Variants in MMP24 observed in about 807,000 individuals in gnomAD.
MMP24 encodes the protein matrix metallopeptidase 24.
In MMP24, 25 loss-of-function variants were observed where a neutral mutation model predicts 62.8. That is an observed-to-expected ratio of 0.40 (90% confidence interval 0.29 to 0.56). The LOEUF (loss-of-function observed/expected upper bound fraction) is 0.56. Ranked by LOEUF, MMP24 falls within the 20% of genes least tolerant of loss-of-function variation. The pLI is 0.50. For synonymous variants in MMP24, 319 were observed against 350.5 expected (o/e 0.91, Z 1.00); for missense variants, 634 against 853.6 (o/e 0.74, Z 3.21).
chr20:35,259,956 T>C (rs2060593987), intron 4 of MMP24, among the ~76,000 whole-genome samples: 1 of 152,174 alleles, frequency 6.6e-6, no homozygotes, highest in Non-Finnish European at 1.5e-5. Flanking sequence ...CATTGTTCCT[T>C]CTATCTTCCA....
At chr20:35,272,225 T>G in intron 8 of MMP24, 1 of 422,688 alleles carries the variant, frequency 2.4e-6, no homozygotes, top group Admixed American at 3.9e-5. Flanking sequence ...AAAGAAAACC[T>G]TCAAAAAAAA....
rs1304269250 is a variant in MMP24, at chr20:35,276,735, A to T, written c.*2126A>T. 6.5e-6 allele frequency: 1 copy of T among 154,766 alleles called. No individual in the cohort carries two copies. The highest frequency in any genetic ancestry group is 1.4e-5 in the Non-Finnish European group (1 of 69,528). 9.6% of individuals were successfully genotyped at this position (154,766 alleles called of 1,614,324 possible). A position where few individuals can be genotyped will look rare whatever the true frequency, so the allele number is the denominator to read the frequency against. ...AACAGGAGATGGAGGCAGGCAGCCC[A>T]GGCTGCAGAGGTGAGGGATGTGGGG... is the stretch of plus-strand genomic sequence containing the variant. On this transcript the variant is annotated 3_prime_UTR_variant, in exon 9 of 9. Coordinates refer to ENST00000246186, the MANE Select transcript of MMP24 (RefSeq NM_006690.4).
intron 1 of MMP24, among the ~76,000 whole-genome samples, chr20:35,242,006 A>G (rs951780651): frequency 2.6e-5 from 4 of 152,210 alleles, no homozygotes; most frequent in African/African-American, 9.6e-5. Context: ...GGTTTGTACC[A>G]CACCTCTTTT....
chr20:35,262,000 C>T (rs1293368554), intron 4 of MMP24, among the ~76,000 whole-genome samples: 2 of 151,972 alleles, frequency 1.3e-5, no homozygotes, highest in Admixed American at 6.6e-5. Context: ...TGGGGTTTCA[C>T]CATGTTGGCC....
chr20:35,265,900 C>G (rs2060631334), intron 5 of MMP24, among the ~76,000 whole-genome samples: 2 of 152,014 alleles, frequency 1.3e-5, no homozygotes, highest in Admixed American at 6.5e-5. Context: ...TACTGGACAG[C>G]TCTGATGCAG....
At chr20:35,227,089 C>T in intron 1 of MMP24, 105 bp downstream of exon 1, 2 of 911,938 alleles carry the variant, frequency 2.2e-6, no homozygotes, top group Non-Finnish European at 2.6e-6. Context: ...CTGCCGAGGT[C>T]GCGGAGGCGG....
At chr20:35,266,823 T>C (rs763174860) in intron 5 of MMP24, among the ~76,000 whole-genome samples, 3 of 151,904 alleles carry the variant, frequency 2.0e-5, no homozygotes, top group Non-Finnish European at 2.9e-5. Context: ...GGCAGAGCAG[T>C]TGGAGTGGGT....
intron 4 of MMP24, chr20:35,256,244 A>G (rs937905206): frequency 2.0e-5 from 3 of 152,218 alleles, no homozygotes; most frequent in Admixed American, 2.0e-4. Context: ...ACAGATAGGT[A>G]AACTGAGATA....
chr20:35,249,869 A>G (rs906192996), intron 2 of MMP24, among the ~76,000 whole-genome samples: 14 of 152,186 alleles, frequency 9.2e-5, no homozygotes, highest in Non-Finnish European at 1.8e-4. Flanking sequence ...CTGGGATTAC[A>G]GGTGTGAGCC....
rs146949558 is a variant in MMP24 at position 35,231,275 on chromosome 20, G to C, written c.246+4291G>C. Reference sequence around the variant, plus strand: ...GATTCCTGCCCTTGAGACTGGTTTTGAGTGGTTTGTGCTGAGGAGATGGAG... The same window carrying C: ...GATTCCTGCCCTTGAGACTGGTTTTCAGTGGTTTGTGCTGAGGAGATGGAG... On this transcript the variant is annotated intron_variant, in intron 1 of 8. Transcript: ENST00000246186. Among the ~76,000 whole-genome samples, 40 of 152,334 alleles carry C rather than the reference G, an allele frequency of 2.6e-4. No individual in the cohort carries two copies. The East Asian group carries it at 7.3e-3, about 28-fold the overall frequency.
At position 35,251,922 on chromosome 20, in the gene MMP24, G is replaced by A. The variant is rs371591987; in HGVS notation, c.413G>A (p.Arg138Gln). 4.5e-5 allele frequency: 73 copies of A among 1,613,786 alleles called. No individual in the cohort carries two copies. The highest frequency in any genetic ancestry group is 5.8e-5 in the Non-Finnish European group (68 of 1,179,848). Reference protein sequence around the residue: ...QTTIEWMKKPRCGVPDHPHLS... With the variant: ...QTTIEWMKKPQCGVPDHPHLS... Reference sequence around the variant, plus strand: ...CTGCCCAGGTGGATGAAGAAACCCCGATGTGGTGTCCCTGATCACCCCCAC... The same window carrying A: ...CTGCCCAGGTGGATGAAGAAACCCCAATGTGGTGTCCCTGATCACCCCCAC... The change falls in exon 3 of 9, where the codon CGA becomes CAA. Residue 138 changes from arginine to glutamine, a missense_variant. By Grantham distance (43) the Arg-to-Gln change is conservative (BLOSUM62 1). Coordinates refer to ENST00000246186, the MANE Select transcript of MMP24 (RefSeq NM_006690.4).
chr20:35,226,957 C>G lies in MMP24; in HGVS notation c.219C>G (p.Asp73Glu). ...TGGCGGTGGCGGTGGCGCGGGCGGA[C>G]GAGGCGGAGGCGCCCTTCGCCGGGC... ...AAVAVAVARA[D>E]EAEAPFAGQN... The change falls in exon 1 of 9, where the codon GAC becomes GAG. Residue 73 changes from aspartate (D) to glutamate (E), a missense_variant. By Grantham distance (45) the Asp-to-Glu change is conservative. Around this residue, in one of 3 missense-constraint regions of MMP24, gnomAD observed 212 missense variants for 259.6 expected, o/e 0.82. Transcript: ENST00000246186. 2.0e-6 allele frequency: 2 copies of G among 978,922 alleles called. No homozygotes were observed. Among genetic ancestry groups the G allele is most frequent in the Non-Finnish European group, 2.4e-6 (2 of 827,402 alleles). 60.6% of individuals were successfully genotyped at this position (978,922 alleles called of 1,614,324 possible).
chr20:35,239,958 T>G (rs1401461383), intron 1 of MMP24, among the ~76,000 whole-genome samples: 3 of 152,130 alleles, frequency 2.0e-5, no homozygotes, highest in Admixed American at 1.3e-4. Flanking sequence ...GAGCTCACTA[T>G]TGTCTGAGAT....
chr20:35,276,037 C>CA lies in MMP24; in HGVS notation c.*1433dup. On this transcript the variant is annotated 3_prime_UTR_variant, in exon 9 of 9. Coordinates refer to ENST00000246186, the MANE Select transcript of MMP24 (RefSeq NM_006690.4). Reference sequence around the variant, plus strand: ...ATGCCCACTGGCTCTCTGCCAAAGCCAAAAAGGTGTCAGGCAGTCTCCAGC... The same window carrying CA: ...ATGCCCACTGGCTCTCTGCCAAAGCCAAAAAAGGTGTCAGGCAGTCTCCAGC... The CA allele has an allele frequency of 5.0e-6, 2 of 398,674 alleles. No homozygotes were observed. The highest frequency in any genetic ancestry group is 8.8e-6 in the Non-Finnish European group (2 of 226,136). 24.7% of individuals were successfully genotyped at this position (398,674 alleles called of 1,614,324 possible). A position where few individuals can be genotyped will look rare whatever the true frequency, so the allele number is the denominator to read the frequency against.
chr20:35,234,545 G>A (rs2060453452), intron 1 of MMP24, among the ~76,000 whole-genome samples: 1 of 152,190 alleles, frequency 6.6e-6, no homozygotes, highest in Non-Finnish European at 1.5e-5. Context: ...CTGATGAAGT[G>A]GCATTCAAGT....
chr20:35,271,000 A>G (rs1404919844), intron 7 of MMP24, among the ~76,000 whole-genome samples: 8 of 152,184 alleles, frequency 5.3e-5, no homozygotes, highest in Admixed American at 5.2e-4. Flanking sequence ...AGATCACACC[A>G]TTGCACTCCA....
rs1430369257 is a variant in MMP24 at position 35,269,395 on chromosome 20, C to A, written c.1195-365C>A. ...AGGGCGCTCGGCCCAGGCTCAGTGA[C>A]CACCCCAGCCTCCCACTGTCCCGAG... On this transcript the variant is annotated intron_variant, in intron 6 of 8. Transcript: ENST00000246186. The surrounding 1 kb of genome is among the most constrained non-coding windows in gnomAD (Gnocchi z 4.6). Among the ~76,000 whole-genome samples the A allele has an allele frequency of 2.6e-5, 4 of 152,198 alleles. No individual in the cohort carries two copies. The highest frequency in any genetic ancestry group is 5.9e-5 in the Non-Finnish European group (4 of 68,034).
In MMP24 at chr20:35,271,873, G is replaced by C. The variant is rs779141151; in HGVS notation, c.1600+38G>C. 4.4e-6 allele frequency: 7 copies of C among 1,574,372 alleles called. No homozygotes were observed. Among genetic ancestry groups the C allele is most frequent in the Non-Finnish European group, 6.0e-6 (7 of 1,163,554 alleles). The stretch of plus-strand genomic sequence containing the variant: ...CGGGCCAGGGTGGGCATGGGGAGCC[G>C]GTTTTATGTGGTCCTCACCAGTGCC... On this transcript the variant is annotated intron_variant, in intron 8 of 8. Transcript: ENST00000246186. The surrounding 1 kb of genome is among the most constrained non-coding windows in gnomAD (Gnocchi z 4.0).
chr20:35,261,895 G>A (rs1055296389), intron 4 of MMP24, among the ~76,000 whole-genome samples: 1 of 148,058 alleles, frequency 6.8e-6, no homozygotes, highest in Non-Finnish European at 1.5e-5. Context: ...CCACCTCCCA[G>A]GATCAAGCGA....
Sources: gnomAD v4.1 joint callset for allele counts (sites outside exome capture counted in the v4.1 genomes callset) on GRCh38, gnomAD v4.1.1 for gene constraint, gnomAD v4.1.1 regional missense constraint, Gnocchi (gnomAD v3.1) non-coding constraint, MANE v1.5 for transcripts, NCBI Gene and HGNC (gene_info 2026-07-23, HGNC 2026-07-21) for gene names.